The following RASA1 variants were observed in gnomAD, a reference collection of about 807,000 sequenced individuals.
RASA1 encodes the protein RAS p21 protein activator 1.
Under a neutral mutation model 132.2 loss-of-function variants are expected in RASA1, and 25 were observed. That is an observed-to-expected ratio of 0.19 (90% CI 0.14 to 0.26). RASA1 has a LOEUF of 0.26. Ranked by LOEUF, RASA1 falls within the 10% of genes least tolerant of loss-of-function variation. RASA1 has a pLI of 1.00. For missense variants in RASA1, 964 were observed against 1,299.2 expected, an observed-to-expected ratio of 0.74 and a Z score of 3.97; for synonymous variants, 477 against 449.9, an observed-to-expected ratio of 1.06 and a Z score of -0.76.
At chr5:87,371,944 T>C (rs1031613831) in intron 12 of RASA1, among the ~76,000 whole-genome samples, 174 bp from the exon 13 acceptor site, 6 of 143,240 alleles carry the variant, frequency 4.2e-5, no homozygotes, top group Admixed American at 2.2e-4. Flanking sequence ...GTTATTGTTA[T>C]GTTATTGTTA....
intron 1 of RASA1, among the ~76,000 whole-genome samples, chr5:87,313,023 G>T (rs545897443): frequency 6.6e-6 from 1 of 152,320 alleles, no homozygotes; most frequent in South Asian, 2.1e-4. Flanking sequence ...GAGACTGTGA[G>T]TGTTTTCCCT....
At chr5:87,316,180 A>G (rs1377914420) in intron 1 of RASA1, among the ~76,000 whole-genome samples, 1 of 152,222 alleles carries the variant, frequency 6.6e-6, no homozygotes, top group Admixed American at 6.5e-5. Flanking sequence ...AATATGACGA[A>G]TGGTTAGCTT....
intron 16 of RASA1, 146 bp from the exon 17 acceptor site, chr5:87,376,735 C>T (rs754340889): frequency 2.1e-5 from 25 of 1,194,074 alleles, no homozygotes; most frequent in Admixed American, 7.1e-5. Context: ...AAGTAGACTA[C>T]GAATTCATTC....
chr5:87,376,672 C>T, intron 16 of RASA1, 107 bp downstream of exon 16: 2 of 1,371,242 alleles, frequency 1.5e-6, no homozygotes, highest in Non-Finnish European at 2.0e-6. Context: ...CTTAGTAGCA[C>T]AATGATGCCA....
chr5:87,275,576 C>CT (rs1301320604), intron 1 of RASA1, among the ~76,000 whole-genome samples: 29 of 148,166 alleles, frequency 2.0e-4, no homozygotes, highest in Middle Eastern at 3.5e-3. Flanking sequence ...GGTTGGCCTT[C>CT]TTTTTTTTTT....
At chr5:87,338,154 C>G (rs1466886703) in intron 5 of RASA1, 63 bp downstream of exon 5, 1 of 1,602,192 alleles carries the variant, frequency 6.2e-7, no homozygotes, top group African/African-American at 1.3e-5. Context: ...TGGATCTTGT[C>G]CGTAATCAGA....
At chr5:87,363,769 CTTACT>C (rs1760296170) in intron 11 of RASA1, among the ~76,000 whole-genome samples, 1 of 152,018 alleles carries the variant, frequency 6.6e-6, no homozygotes, top group Non-Finnish European at 1.5e-5. Context: ...TTTTGAGTGA[CTTACT>C]TTGAGTCTTT....
intron 4 of RASA1, among the ~76,000 whole-genome samples, chr5:87,335,943 A>G (rs993702098): frequency 6.6e-6 from 1 of 152,232 alleles, no homozygotes; most frequent in Non-Finnish European, 1.5e-5. Flanking sequence ...CTAACCTTCA[A>G]GAAAGTACCA....
At chr5:87,306,874 T>C (rs551670886) in intron 1 of RASA1, among the ~76,000 whole-genome samples, 3 of 152,234 alleles carry the variant, frequency 2.0e-5, no homozygotes, top group East Asian at 3.9e-4. Flanking sequence ...CTCCCCTTTT[T>C]TTGAGACAGG....
intron 1 of RASA1, 61 bp from the exon 2 acceptor site, chr5:87,331,287 T>C (rs1757580979): frequency 6.7e-7 from 1 of 1,491,676 alleles, no homozygotes; most frequent in Non-Finnish European, 9.3e-7. Flanking sequence ...GTTTTTCAAG[T>C]GTCCATAGAA....
intron 1 of RASA1, among the ~76,000 whole-genome samples, chr5:87,283,255 G>T (rs1580195875): frequency 2.0e-5 from 3 of 146,536 alleles, no homozygotes; most frequent in South Asian, 4.4e-4. Context: ...TGTTTTAAAA[G>T]AATTTGTAAT....
chr5:87,331,980 T>C (rs1757634533), intron 2 of RASA1, among the ~76,000 whole-genome samples: 1 of 152,164 alleles, frequency 6.6e-6, no homozygotes, highest in Non-Finnish European at 1.5e-5. Flanking sequence ...CCATATTGTA[T>C]TGTTTCATTT....
At chr5:87,360,124 GTTTTTTTT>G (rs755443447) in intron 9 of RASA1, among the ~76,000 whole-genome samples, 48 of 132,702 alleles carry the variant, frequency 3.6e-4, no homozygotes, top group African/African-American at 1.3e-3. Flanking sequence ...TCAAAATGCA[GTTTTTTTT>G]TTTTTTTTTG....
At chr5:87,335,429 T>G (rs1046742901) in intron 4 of RASA1, among the ~76,000 whole-genome samples, 2 of 143,294 alleles carry the variant, frequency 1.4e-5, no homozygotes, top group African/African-American at 5.2e-5. Flanking sequence ...GTTTTTTTTT[T>G]TTTTTTTTTT....
At chr5:87,376,759 T>C (rs1451782186) in intron 16 of RASA1, 122 bp from the exon 17 acceptor site, 12 of 1,224,488 alleles carry the variant, frequency 9.8e-6, no homozygotes, top group Non-Finnish European at 1.4e-5. Flanking sequence ...TTTAAATAAA[T>C]TTATTCAATG....
intron 8 of RASA1, 109 bp from the exon 9 acceptor site, chr5:87,353,048 G>GA (rs35672483): frequency 1.2e-5 from 9 of 774,078 alleles, no homozygotes; most frequent in African/African-American, 5.3e-5. Context: ...TATGTGCTTT[G>GA]AAAAAAATTT....
chr5:87,375,339 C>T (rs561173489), intron 15 of RASA1, among the ~76,000 whole-genome samples: 1 of 151,750 alleles, frequency 6.6e-6, no homozygotes, highest in East Asian at 1.9e-4. Context: ...CGGCTCACTG[C>T]AACCTCCGCC....
intron 5 of RASA1, among the ~76,000 whole-genome samples, chr5:87,340,952 A>G (rs548883788): frequency 1.2e-4 from 18 of 152,186 alleles, no homozygotes; most frequent in Non-Finnish European, 2.6e-4. Context: ...TGTAGGCAGT[A>G]GAGAGGTGTT....
intron 18 of RASA1, 22 bp from the exon 19 acceptor site, chr5:87,379,713 A>G: frequency 6.2e-7 from 1 of 1,609,686 alleles, no homozygotes; most frequent in Non-Finnish European, 8.5e-7. Context: ...ATGCATTTAT[A>G]TTGATTTATT....
Sources: allele counts gnomAD v4.1 joint callset (sites outside exome capture counted in the v4.1 genomes callset), GRCh38; gene constraint gnomAD v4.1.1; transcripts MANE v1.5; gene names NCBI Gene and HGNC (gene_info 2026-07-23, HGNC 2026-07-21).